Variants in AGPAT5 observed in about 807,000 individuals in gnomAD.
AGPAT5 encodes 1-acylglycerol-3-phosphate O-acyltransferase 5, also known as 1-acyl-sn-glycerol-3-phosphate acyltransferase epsilon.
A neutral mutation model predicts 45.6 loss-of-function variants in AGPAT5; 46 were observed. That is an observed-to-expected ratio of 1.01 (90% CI 0.80 to 1.29). The LOEUF is 1.29. Among genes scored for constraint, AGPAT5 ranks in the 50% most tolerant of loss-of-function variants. The pLI, the probability that AGPAT5 is intolerant of heterozygous loss-of-function variation, is 0.00. For synonymous variants in AGPAT5, 272 were observed against 167.0 expected (o/e 1.63, Z -4.85); for missense variants, 673 against 450.7 (o/e 1.49, Z -4.47).
intron 6 of AGPAT5, among the ~76,000 whole-genome samples, chr8:6,748,952 A>G (rs181091246): frequency 2.0e-5 from 3 of 152,336 alleles, no homozygotes; most frequent in African/African-American, 7.2e-5. Flanking sequence ...TTTATAGAGT[A>G]ATATTTTTAA....
chr8:6,710,229 T>G (rs1041159621), intron 1 of AGPAT5, among the ~76,000 whole-genome samples: 1 of 152,200 alleles, frequency 6.6e-6, no homozygotes, highest in African/African-American at 2.4e-5. Flanking sequence ...GTTTGGCAAG[T>G]TCTTATTTTT....
intron 6 of AGPAT5, among the ~76,000 whole-genome samples, chr8:6,753,835 G>A (rs558599063): frequency 2.6e-5 from 4 of 151,650 alleles, no homozygotes; most frequent in South Asian, 2.1e-4. Flanking sequence ...TCCTGGAAGT[G>A]TGTAAGAATA....
Position 6,708,663 on chromosome 8 carries a change from G to A in AGPAT5, c.-6G>A. On this transcript the variant is annotated 5_prime_UTR_variant, in exon 1 of 8. Coordinates refer to ENST00000285518, the MANE Select transcript of AGPAT5 (RefSeq NM_018361.5). ...AGGCGGAGCTCGCTGCCGCCGAGCTGAGAAGATGCTGCTGTCCCTGGTGCT... is the reference window on the plus strand; with the variant it reads ...AGGCGGAGCTCGCTGCCGCCGAGCTAAGAAGATGCTGCTGTCCCTGGTGCT... The A allele has an allele frequency of 2.6e-6, 4 of 1,563,416 alleles. No individual in the cohort carries two copies. The highest frequency in any genetic ancestry group is 3.4e-6 in the Non-Finnish European group (4 of 1,161,944).
intron 7 of AGPAT5, among the ~76,000 whole-genome samples, chr8:6,755,482 C>G (rs117759142): frequency 3.3e-5 from 5 of 152,130 alleles, no homozygotes; most frequent in African/African-American, 4.8e-5. Context: ...GTCAGATGCC[C>G]GGACCTACCT....
Position 6,761,433 on chromosome 8 carries a change from T to G in AGPAT5, c.*4045T>G, listed in dbSNP as rs1802041277. On this transcript the variant is annotated 3_prime_UTR_variant, in exon 8 of 8. Transcript: ENST00000285518. ...TCTTTATGGTATTTTCAGAATAAAG[T>G]CTGACTTGTGTTTTTGAGATTATTG... 6.6e-6 allele frequency among the ~76,000 whole-genome samples: 1 copy of G among 152,224 alleles called. No individual in the cohort carries two copies. The highest frequency in any genetic ancestry group is 2.4e-5 in the African/African-American group (1 of 41,460).
chr8:6,737,497 A>G (rs936405093), intron 4 of AGPAT5, among the ~76,000 whole-genome samples: 3 of 152,234 alleles, frequency 2.0e-5, no homozygotes, highest in African/African-American at 7.2e-5. Flanking sequence ...ATACATCTCC[A>G]TAATTATTGC....
intron 6 of AGPAT5, among the ~76,000 whole-genome samples, chr8:6,751,717 T>C (rs1158452286): frequency 6.9e-6 from 1 of 144,768 alleles, no homozygotes; most frequent in Non-Finnish European, 1.5e-5. Context: ...TATTGATTTT[T>C]TTTTAATTAT....
In AGPAT5 at chr8:6,708,752, C is replaced by T. The variant is rs748488003; in HGVS notation, c.84C>T (p.Tyr28=). ...TGCTCCTGGGCACGGCGCCCACCTA[C>T]GTGTTGGCCTGGGGGGTCTGGCGGC... is the stretch of plus-strand genomic sequence containing the variant. ...SVVLLGTAPT[Y]VLAWGVWRLL... The change falls in exon 1 of 8, where the codon TAC becomes TAT. Residue 28 remains tyrosine, a synonymous_variant. Coordinates refer to ENST00000285518, the MANE Select transcript of AGPAT5 (RefSeq NM_018361.5). 3 of 1,608,554 alleles carry T rather than the reference C, an allele frequency of 1.9e-6. No individual in the cohort carries two copies. Among genetic ancestry groups the T allele is most frequent in the Admixed American group, 1.7e-5 (1 of 59,958 alleles).
intron 4 of AGPAT5, among the ~76,000 whole-genome samples, chr8:6,739,295 A>G (rs1339251087): frequency 1.3e-5 from 2 of 152,102 alleles, no homozygotes; most frequent in African/African-American, 4.8e-5. Flanking sequence ...TTCTGTGTGA[A>G]TTATAGAATT....
At chr8:6,741,103 A>C (rs922182990) in intron 4 of AGPAT5, among the ~76,000 whole-genome samples, 1 of 152,148 alleles carries the variant, frequency 6.6e-6, no homozygotes, top group African/African-American at 2.4e-5. Context: ...TTTATATAAC[A>C]AATGAGGTTT....
At chr8:6,731,378 A>G (rs576362537) in intron 3 of AGPAT5, among the ~76,000 whole-genome samples, 1 of 152,190 alleles carries the variant, frequency 6.6e-6, no homozygotes, top group Non-Finnish European at 1.5e-5. Flanking sequence ...TAAGGTGTTC[A>G]AGACCCTCAT....
At position 6,735,487 on chromosome 8, in the gene AGPAT5, C is replaced by T. The variant is rs144026557; in HGVS notation, c.495+2837C>T. The stretch of plus-strand genomic sequence containing the variant: ...GTTCCACTGGCTCATACTTGGCTTT[C>T]TGCAAAATTGTTAAAATTTTTAGCT... On this transcript the variant is annotated intron_variant, in intron 4 of 7. Coordinates refer to ENST00000285518, the MANE Select transcript of AGPAT5 (RefSeq NM_018361.5). Among the ~76,000 whole-genome samples the T allele has an allele frequency of 3.3e-5, 5 of 152,342 alleles. No individual in the cohort carries two copies. The East Asian group carries it at 9.6e-4, about 29-fold the overall frequency.
chr8:6,758,962 A>G lies in AGPAT5; in HGVS notation c.*1574A>G, dbSNP rs1281705894. On this transcript the variant is annotated 3_prime_UTR_variant, in exon 8 of 8. Coordinates refer to ENST00000285518, the MANE Select transcript of AGPAT5 (RefSeq NM_018361.5). ...AGGGAAAATTAAGTGACTGTGTTACACTGCTTCTCCCATGCCAGAGAATAA... is the reference window on the plus strand; with the variant it reads ...AGGGAAAATTAAGTGACTGTGTTACGCTGCTTCTCCCATGCCAGAGAATAA... 3.3e-5 allele frequency: 5 copies of G among 152,716 alleles called. No individual in the cohort carries two copies. The highest frequency in any genetic ancestry group is 2.1e-4 in the South Asian group (1 of 4,828). 9.5% of individuals were successfully genotyped at this position (152,716 alleles called of 1,614,324 possible).
intron 1 of AGPAT5, 68 bp downstream of exon 1, chr8:6,708,955 C>A: frequency 6.8e-7 from 1 of 1,461,886 alleles, no homozygotes; most frequent in Non-Finnish European, 9.3e-7. Flanking sequence ...CCTCTCCGCT[C>A]CCCCACAGCT....
chr8:6,713,501 TAAAG>T (rs1194140634), intron 1 of AGPAT5, among the ~76,000 whole-genome samples: 5 of 152,182 alleles, frequency 3.3e-5, no homozygotes, highest in African/African-American at 1.2e-4. Context: ...AGAAAGAAGA[TAAAG>T]AATTTAAGAT....
rs1169360261 is a variant in AGPAT5, at chr8:6,760,006, T to C, written c.*2618T>C. ...CTAACTCTTACACCATACATACTGA[T>C]AGTTTTTCATATGTTTCATTTCCAT... On this transcript the variant is annotated 3_prime_UTR_variant, in exon 8 of 8. Transcript: ENST00000285518. 2.6e-5 allele frequency among the ~76,000 whole-genome samples: 4 copies of C among 152,242 alleles called. No individual in the cohort carries two copies. Among genetic ancestry groups the C allele is most frequent in the African/African-American group, 4.8e-5 (2 of 41,458 alleles).
chr8:6,735,251 T>A (rs895507481), intron 4 of AGPAT5, among the ~76,000 whole-genome samples: 4 of 152,194 alleles, frequency 2.6e-5, no homozygotes, highest in Non-Finnish European at 5.9e-5. Flanking sequence ...TTCAGGCTGC[T>A]GTTCCATAGG....
chr8:6,713,288 T>C (rs1800215414), intron 1 of AGPAT5, among the ~76,000 whole-genome samples: 2 of 152,150 alleles, frequency 1.3e-5, no homozygotes, highest in African/African-American at 4.8e-5. Context: ...ATATTCTAAT[T>C]ACCGATTTAT....
intron 1 of AGPAT5, among the ~76,000 whole-genome samples, chr8:6,713,492 G>C (rs1800221729): frequency 6.6e-6 from 1 of 152,166 alleles, no homozygotes; most frequent in African/African-American, 2.4e-5. Context: ...AAAAACACAA[G>C]AAAGAAGATA....
Sources: gnomAD v4.1 joint callset for allele counts (sites outside exome capture counted in the v4.1 genomes callset) on GRCh38, gnomAD v4.1.1 for gene constraint, MANE v1.5 for transcripts, NCBI Gene and HGNC (gene_info 2026-07-23, HGNC 2026-07-21) for gene names.